FRMPD4: variants seen among roughly 807,000 people sequenced by gnomAD.
FRMPD4 encodes the protein FERM and PDZ domain-containing protein 4.
A neutral mutation model predicts 94.1 loss-of-function variants in FRMPD4; 22 were observed. The ratio of observed to expected loss-of-function variants is 0.23; its 90% confidence interval spans 0.17 to 0.33. FRMPD4 has a LOEUF of 0.33. Among genes scored for constraint, FRMPD4 ranks in the 10% least tolerant of loss-of-function variants. FRMPD4 has a pLI of 1.00. For missense variants in FRMPD4, 1,111 were observed against 1,339.9 expected, an observed-to-expected ratio of 0.83 and a Z score of 2.67; for synonymous variants, 631 against 548.6, an observed-to-expected ratio of 1.15 and a Z score of -2.10.
intron 1 of FRMPD4, among the ~76,000 whole-genome samples, chrX:11,835,884 T>C (rs1050739919): frequency 8.9e-4 from 100 of 112,228 alleles, no homozygotes; most frequent in African/African-American, 3.2e-3. Flanking sequence ...TAAGCTATCA[T>C]AGGTTGTTTT....
intron 1 of FRMPD4, among the ~76,000 whole-genome samples, chrX:12,425,177 A>G (rs1436558557): frequency 8.9e-6 from 1 of 111,976 alleles, no homozygotes; most frequent in Non-Finnish European, 1.9e-5. Context: ...CTGTGCCTTT[A>G]TTTTGTTAGG....
chrX:12,553,046 CTTGGG>C (rs2058553491), intron 2 of FRMPD4, among the ~76,000 whole-genome samples: 1 of 111,053 alleles, frequency 9.0e-6, no homozygotes, highest in African/African-American at 3.3e-5. Flanking sequence ...ATCCCAGCTA[CTTGGG>C]AGGCTGAGAG....
chrX:12,720,500 G>A lies in FRMPD4; in HGVS notation c.3965-34G>A, dbSNP rs1430449733. 5.0e-6 allele frequency: 6 copies of A among 1,193,687 alleles called. No homozygotes were observed. In the Admixed American group the frequency reaches 6.6e-5, roughly 13 times the overall value. On this transcript the variant is annotated intron_variant, in intron 16 of 16. Coordinates refer to ENST00000675598, the MANE Select transcript of FRMPD4 (RefSeq NM_001368397.1). ...AATGACCTCCCAGGAGATGCTTAAT[G>A]ATTCTCTCTGTTTTTCTACTACCCC...
chrX:12,289,529 G>A (rs891794592), intron 1 of FRMPD4, among the ~76,000 whole-genome samples: 1 of 111,627 alleles, frequency 9.0e-6, no homozygotes, highest in Non-Finnish European at 1.9e-5. Context: ...TTCCCTCCTC[G>A]CTGAAAGTTC....
At chrX:12,266,160 A>AG (rs1316606255) in intron 1 of FRMPD4, among the ~76,000 whole-genome samples, 9 of 103,777 alleles carry the variant, frequency 8.7e-5, no homozygotes, top group African/African-American at 3.0e-4. Flanking sequence ...AAAAAAAAAA[A>AG]AGAGAAAACA....
Position 12,720,857 on chromosome X carries a change from C to G in FRMPD4, c.4288C>G (p.Pro1430Ala). The G allele has an allele frequency of 1.1e-6, 1 of 875,498 alleles. No homozygotes were observed. The highest frequency in any genetic ancestry group is 6.1e-5 in the East Asian group (1 of 16,370). The allele number at this position is 875,498 out of a possible 1,213,427, so 72.2% of individuals were successfully genotyped here. The change falls in exon 17 of 17, where the codon CCA becomes GCA. Residue 1430 changes from proline (P) to alanine (A), a missense_variant. Pro to Ala is a conservative substitution (Grantham distance 27). Coordinates refer to ENST00000675598, the MANE Select transcript of FRMPD4 (RefSeq NM_001368397.1). The stretch of plus-strand genomic sequence containing the variant: ...CAAGGGTGCAGTCAGCTTAAAGTGT[C>G]CAGGCATCACAGAAGCACAGGAGGC... ...RTKGAVSLKC[P>A]GITEAQEASS...
chrX:11,850,545 A>T (rs2053615058), intron 1 of FRMPD4, among the ~76,000 whole-genome samples: 1 of 112,658 alleles, frequency 8.9e-6, no homozygotes, highest in African/African-American at 3.2e-5. Context: ...AGGTGGAAGC[A>T]ACTGAAGTGT....
chrX:12,475,754 A>G (rs1044309659), intron 1 of FRMPD4, among the ~76,000 whole-genome samples: 10 of 111,997 alleles, frequency 8.9e-5, no homozygotes, highest in Non-Finnish European at 1.5e-4. Flanking sequence ...TCCAACTTAC[A>G]AGGGATGTGA....
intron 2 of FRMPD4, among the ~76,000 whole-genome samples, chrX:12,582,111 G>A (rs2058872113): frequency 8.9e-6 from 1 of 112,057 alleles, no homozygotes; most frequent in East Asian, 2.8e-4. Context: ...AATATTAAAT[G>A]CATGCATGCA....
At chrX:12,306,828 A>G (rs1345341094) in intron 1 of FRMPD4, among the ~76,000 whole-genome samples, 1 of 112,529 alleles carries the variant, frequency 8.9e-6, no homozygotes, top group Non-Finnish European at 1.9e-5. Flanking sequence ...GAATCTTCCA[A>G]TGCAACAGAC....
chrX:12,095,507 T>C (rs777134859), intron 3 of FRMPD4, among the ~76,000 whole-genome samples: 19 of 112,248 alleles, frequency 1.7e-4, no homozygotes, highest in African/African-American at 6.1e-4. Flanking sequence ...GTGGCTGTTT[T>C]ATTGATACAA....
chrX:12,103,014 G>A lies in FRMPD4; in HGVS notation c.95+224996G>A, dbSNP rs745612775. Among the ~76,000 whole-genome samples, 8 of 111,219 alleles carry A rather than the reference G, an allele frequency of 7.2e-5. No individual in the cohort carries two copies. The East Asian group carries it at 1.4e-3, about 20-fold the overall frequency. On this transcript the variant is annotated intron_variant, in intron 3 of 18. Coordinates refer to the FRMPD4 transcript ENST00000640291. ...TGTCATATCAGGTATTGATTTATAC[G>A]TGAGAATGGGCTTACAGCATCCAGC...
At chrX:12,244,011 G>T (rs186073674) in intron 1 of FRMPD4, among the ~76,000 whole-genome samples, 1 of 109,260 alleles carries the variant, frequency 9.2e-6, no homozygotes, top group African/African-American at 3.3e-5. Context: ...GCCCAGTCTG[G>T]TCTTGAACTC....
At chrX:11,864,218 T>A (rs902047786) in intron 1 of FRMPD4, among the ~76,000 whole-genome samples, 2 of 109,597 alleles carry the variant, frequency 1.8e-5, no homozygotes, top group African/African-American at 6.6e-5. Context: ...TCTACGGGAA[T>A]AACTGAAATG....
Position 12,435,139 on chromosome X carries a change from C to G in FRMPD4, c.42-63541C>G, listed in dbSNP as rs993734941. On this transcript the variant is annotated intron_variant, in intron 1 of 16. Transcript: ENST00000675598. ...TCTTCATAACAATTTTTATTAGATT[C>G]ATGCTTACTTTATAGTTTTTCTTAC... Among the ~76,000 whole-genome samples, 25 of 111,524 alleles carry G rather than the reference C, an allele frequency of 2.2e-4. 1 individual carries two copies. Among genetic ancestry groups the G allele is most frequent in the African/African-American group, 8.1e-4 (25 of 30,682 alleles).
chrX:12,106,616 C>T (rs925521129), intron 3 of FRMPD4, among the ~76,000 whole-genome samples: 5 of 111,475 alleles, frequency 4.5e-5, no homozygotes, highest in East Asian at 2.8e-4. Context: ...TCGCCTCACC[C>T]GGGAAGCACA....
intron 2 of FRMPD4, among the ~76,000 whole-genome samples, chrX:12,552,043 C>A (rs1357839071): frequency 2.7e-5 from 3 of 111,470 alleles, no homozygotes. Context: ...TAGCATCCCC[C>A]AAAGGTGGCC....
At chrX:12,355,792 A>G (rs1448376161) in intron 1 of FRMPD4, among the ~76,000 whole-genome samples, 1 of 111,836 alleles carries the variant, frequency 8.9e-6, no homozygotes, top group African/African-American at 3.2e-5. Context: ...GTAGGGGCCA[A>G]GGAGAAACCT....
intron 1 of FRMPD4, among the ~76,000 whole-genome samples, chrX:12,328,808 G>C (rs1033585213): frequency 1.8e-5 from 2 of 111,541 alleles, no homozygotes; most frequent in Admixed American, 1.9e-4. Context: ...TGATCTTCAG[G>C]AGGGAACCTC....
Sources: gnomAD v4.1 joint callset for allele counts (sites outside exome capture counted in the v4.1 genomes callset) on GRCh38, gnomAD v4.1.1 for gene constraint, MANE v1.5 for transcripts, NCBI Gene and HGNC (gene_info 2026-07-23, HGNC 2026-07-21) for gene names.